The following C7orf33 variants were observed in gnomAD, a reference collection of about 807,000 sequenced individuals.
C7orf33 encodes uncharacterized protein C7orf33.
C7orf33 carries 15 observed loss-of-function variants against 13.4 expected under a neutral mutation model. The observed-to-expected ratio is 1.12, with a 90% CI of 0.75 to 1.72. The LOEUF is 1.72. C7orf33 is among the 40% of genes most tolerant of loss of function. The probability of loss-of-function intolerance (pLI) is 0.00; values close to 1 mark genes in which losing one functional copy is unlikely to be tolerated. For synonymous variants in C7orf33, 73 were observed against 83.2 expected, an observed-to-expected ratio of 0.88 and a Z score of 0.67; for missense variants, 187 against 220.3, an observed-to-expected ratio of 0.85 and a Z score of 0.96.
At position 148,615,636 on chromosome 7, in the gene C7orf33, G is replaced by C; in HGVS notation, c.*235G>C. On this transcript the variant is annotated 3_prime_UTR_variant, in exon 3 of 3. Transcript: ENST00000307003. ...TGTGGCATTTGTGCACTGGTGTGGG[G>C]CCCAGGAGAGGACCACGGAGTGACA... is the stretch of plus-strand genomic sequence containing the variant. The C allele has an allele frequency of 2.3e-6, 1 of 430,222 alleles. No individual in the cohort carries two copies. The highest frequency in any genetic ancestry group is 2.3e-5 in the South Asian group (1 of 42,658). 26.7% of individuals were successfully genotyped at this position (430,222 alleles called of 1,614,324 possible).
chr7:148,609,103 GAA>G (rs59392988), intron 1 of C7orf33, among the ~76,000 whole-genome samples: 62,786 of 131,140 alleles, frequency 0.48, 15,037 homozygotes, highest in East Asian at 0.69. Context: ...ACGTTATTTT[GAA>G]AAAAAAAAAA....
At chr7:148,594,174 T>TTC (rs1193493068) in intron 1 of C7orf33, among the ~76,000 whole-genome samples, 6 of 146,820 alleles carry the variant, frequency 4.1e-5, no homozygotes, top group African/African-American at 1.3e-4. Context: ...CTCTTTTCTT[T>TTC]TTTTTTTTTT....
At chr7:148,613,896 T>C in intron 1 of C7orf33, 146 bp from the exon 2 acceptor site, 1 of 886,582 alleles carries the variant, frequency 1.1e-6, no homozygotes, top group Non-Finnish European at 1.7e-6. Context: ...ATTTCCAGAA[T>C]ATCTTTGTCT....
At chr7:148,593,823 T>C (rs1331146903) in intron 1 of C7orf33, among the ~76,000 whole-genome samples, 5 of 151,780 alleles carry the variant, frequency 3.3e-5, no homozygotes, top group Admixed American at 6.6e-5. Flanking sequence ...AGAAGTGACA[T>C]GGTTGAATAT....
chr7:148,598,725 GA>G (rs1387100981), intron 1 of C7orf33, among the ~76,000 whole-genome samples: 1 of 24,396 alleles, frequency 4.1e-5, no homozygotes, highest in African/African-American at 1.2e-4. Context: ...TTCATTCCTG[GA>G]TATATATATA....
chr7:148,593,213 A>G (rs893916908), intron 1 of C7orf33, among the ~76,000 whole-genome samples: 5 of 152,118 alleles, frequency 3.3e-5, no homozygotes, highest in Non-Finnish European at 7.4e-5. Flanking sequence ...GGATGGCACT[A>G]TGAGTTACGT....
At chr7:148,600,204 C>T (rs1438198232) in intron 1 of C7orf33, among the ~76,000 whole-genome samples, 1 of 152,188 alleles carries the variant, frequency 6.6e-6, no homozygotes, top group Admixed American at 6.5e-5. Context: ...CGTAGTGGCT[C>T]ACGCCTGTAA....
At chr7:148,591,770 G>T (rs1319261904) in intron 1 of C7orf33, among the ~76,000 whole-genome samples, 1 of 152,000 alleles carries the variant, frequency 6.6e-6, no homozygotes, top group Non-Finnish European at 1.5e-5. Context: ...TTGTAGAAAT[G>T]GGGTCTTGCC....
Position 148,591,011 on chromosome 7 carries a change from C to G in C7orf33, c.86C>G (p.Pro29Arg). The change falls in exon 1 of 3, where the codon CCC becomes CGC. Residue 29 changes from proline to arginine, a missense_variant. Coordinates refer to ENST00000307003, the MANE Select transcript of C7orf33 (RefSeq NM_145304.4). ...GPQCECEALL[P>R]SGARRRIDLR... is the part of the protein sequence containing the mutation. ...CAATGTGAATGTGAAGCCCTCCTGC[C>G]CAGTGGGGCAAGGCGCCGGATTGAC... The G allele has an allele frequency of 6.2e-7, 1 of 1,614,158 alleles. No individual in the cohort carries two copies. The highest frequency in any genetic ancestry group is 8.5e-7 in the Non-Finnish European group (1 of 1,180,028).
At chr7:148,594,607 T>C (rs1321210104) in intron 1 of C7orf33, among the ~76,000 whole-genome samples, 2 of 152,088 alleles carry the variant, frequency 1.3e-5, no homozygotes, top group African/African-American at 4.8e-5. Context: ...CCAAGTAAAA[T>C]GCAGAACAGT....
intron 1 of C7orf33, among the ~76,000 whole-genome samples, chr7:148,602,057 G>A (rs1410348914): frequency 1.3e-5 from 2 of 152,072 alleles, no homozygotes; most frequent in African/African-American, 4.8e-5. Context: ...CCCAAACTGA[G>A]TTTATCTCTA....
At chr7:148,608,887 A>G (rs1796506044) in intron 1 of C7orf33, among the ~76,000 whole-genome samples, 1 of 152,172 alleles carries the variant, frequency 6.6e-6, no homozygotes, top group South Asian at 2.1e-4. Flanking sequence ...ATTTGCTGTA[A>G]AAACAGTCCT....
chr7:148,608,171 G>A lies in C7orf33; in HGVS notation c.205-5871G>A, dbSNP rs142183290. ...AGGCTGGGTGCTGTGGCTTACGCCT[G>A]TATTCCCAGCACTTTTGGGAGGCTG... On this transcript the variant is annotated intron_variant, in intron 1 of 2. Transcript: ENST00000307003. Among the ~76,000 whole-genome samples, 865 of 152,334 alleles carry A rather than the reference G, an allele frequency of 5.7e-3. 11 individuals carry two copies. The highest frequency in any genetic ancestry group is 0.02 in the African/African-American group (816 of 41,570).
rs1796330302 is a variant in C7orf33, at chr7:148,595,669, TAG to T, written c.204+4542_204+4543del. Among the ~76,000 whole-genome samples the T allele has an allele frequency of 7.4e-4, 82 of 110,914 alleles. 1 individual carries two copies. The highest frequency in any genetic ancestry group is 2.7e-3 in the African/African-American group (70 of 25,804). 72.8% of individuals were successfully genotyped at this position (110,914 alleles called of 152,430 possible). ...AGATATAATATAGATCTATATTATA[TAG>T]ATATAATATAGATCTATATTATATA... On this transcript the variant is annotated intron_variant, in intron 1 of 2. Transcript: ENST00000307003.
intron 1 of C7orf33, among the ~76,000 whole-genome samples, chr7:148,596,237 C>G (rs1169380371): frequency 6.6e-6 from 1 of 152,166 alleles, no homozygotes; most frequent in Non-Finnish European, 1.5e-5. Flanking sequence ...TGCACAACCT[C>G]CCTCCCTATC....
rs1204603111 is a variant in C7orf33, at chr7:148,597,847, C to A, written c.204+6718C>A. ...CTCAGCTTACTGCAAGCTCCGCTTC[C>A]CAGGTTCACGCCATTCTCCTGCCTT... On this transcript the variant is annotated intron_variant, in intron 1 of 2. Coordinates refer to ENST00000307003, the MANE Select transcript of C7orf33 (RefSeq NM_145304.4). Among the ~76,000 whole-genome samples, 3 of 152,126 alleles carry A rather than the reference C, an allele frequency of 2.0e-5. No individual in the cohort carries two copies. The East Asian group carries it at 5.8e-4, about 29-fold the overall frequency.
intron 1 of C7orf33, among the ~76,000 whole-genome samples, chr7:148,606,154 A>G (rs968310227): frequency 1.3e-5 from 2 of 152,244 alleles, no homozygotes; most frequent in African/African-American, 4.8e-5. Flanking sequence ...CTCGCTCTGC[A>G]GATAGGTAGG....
intron 1 of C7orf33, among the ~76,000 whole-genome samples, chr7:148,595,273 C>A (rs1796315793): frequency 2.2e-5 from 3 of 135,372 alleles, no homozygotes. Flanking sequence ...ATAGAGATAT[C>A]TATATTATAT....
intron 2 of C7orf33, 139 bp from the exon 3 acceptor site, chr7:148,615,188 C>T (rs1796588550): frequency 1.7e-6 from 1 of 589,522 alleles, no homozygotes; most frequent in African/African-American, 1.9e-5. Context: ...ATCCACCCAC[C>T]TTGGCCTCTC....
Sources: gnomAD v4.1 joint callset for allele counts (sites outside exome capture counted in the v4.1 genomes callset) on GRCh38, gnomAD v4.1.1 for gene constraint, MANE v1.5 for transcripts, NCBI Gene and HGNC (gene_info 2026-07-23, HGNC 2026-07-21) for gene names.